Variants in ZNF224 observed in about 807,000 individuals in gnomAD.
ZNF224 encodes bone marrow zinc finger 2.
In ZNF224, 8 loss-of-function variants were observed where a neutral mutation model predicts 10.5. That is an observed-to-expected ratio of 0.76 (90% CI 0.45 to 1.37). The LOEUF is 1.37. Ranked by LOEUF, ZNF224 falls within the 40% of genes most tolerant of loss-of-function variation. ZNF224 has a pLI of 0.00. For synonymous variants in ZNF224, 282 were observed against 287.8 expected (o/e 0.98, Z 0.20); for missense variants, 754 against 854.0 (o/e 0.88, Z 1.46).
intron 3 of ZNF224, 112 bp downstream of exon 3, chr19:44,098,000 C>T: frequency 8.6e-7 from 1 of 1,167,002 alleles, no homozygotes; most frequent in East Asian, 2.5e-5. Context: ...ATTTGAGGAT[C>T]TCTTGTGTAC....
At chr19:44,104,952 G>A (rs982339124) in intron 5 of ZNF224, among the ~76,000 whole-genome samples, 4 of 152,168 alleles carry the variant, frequency 2.6e-5, no homozygotes, top group Non-Finnish European at 2.9e-5. Context: ...GTGAGCCACC[G>A]CGCCCAGCCG....
At chr19:44,102,034 A>G (rs1967558394) in intron 5 of ZNF224, among the ~76,000 whole-genome samples, 2 of 152,198 alleles carry the variant, frequency 1.3e-5, no homozygotes, top group Admixed American at 6.5e-5. Context: ...CCTTAATTGC[A>G]TCTACAACCT....
At position 44,097,899 on chromosome 19, in the gene ZNF224, C is replaced by T. The variant is rs747949192; in HGVS notation, c.15+11C>T. The T allele has an allele frequency of 6.2e-7, 1 of 1,613,940 alleles. No homozygotes were observed. The highest frequency in any genetic ancestry group is 8.5e-7 in the Non-Finnish European group (1 of 1,179,930). ...ATGACCACGTTCAAGGTGGGTAGGACTTGCTTCTATTACTCTTAAAATTCC... is the reference window on the plus strand; with the variant it reads ...ATGACCACGTTCAAGGTGGGTAGGATTTGCTTCTATTACTCTTAAAATTCC... On this transcript the variant is annotated intron_variant, in intron 3 of 5. Transcript: ENST00000693561.
intron 5 of ZNF224, 118 bp downstream of exon 5, chr19:44,101,343 A>G (rs1378726407): frequency 1.0e-6 from 1 of 994,988 alleles, no homozygotes; most frequent in Non-Finnish European, 1.5e-6. Flanking sequence ...ATTATTGACA[A>G]CCATCTTACA....
chr19:44,097,275 G>A (rs1363222175), intron 2 of ZNF224, among the ~76,000 whole-genome samples: 1 of 152,050 alleles, frequency 6.6e-6, no homozygotes. Flanking sequence ...CCAACCTATT[G>A]TATCATATAA....
chr19:44,099,105 C>T (rs1049112553), intron 3 of ZNF224, among the ~76,000 whole-genome samples: 10 of 152,188 alleles, frequency 6.6e-5, no homozygotes, highest in African/African-American at 2.4e-4. Flanking sequence ...AGAGAGAATT[C>T]TCCATTGAGG....
At chr19:44,099,869 T>C (rs1368390930) in intron 3 of ZNF224, among the ~76,000 whole-genome samples, 1 of 152,150 alleles carries the variant, frequency 6.6e-6, no homozygotes, top group African/African-American at 2.4e-5. Flanking sequence ...ATATTAAATT[T>C]CTGACATTTT....
chr19:44,106,047 C>CA (rs909840656), intron 5 of ZNF224: 1 of 214,142 alleles, frequency 4.7e-6, no homozygotes, highest in Non-Finnish European at 9.4e-6. Context: ...ATTGCTGGAT[C>CA]AAATGGTAGA....
chr19:44,106,192 T>C (rs1967654346), intron 5 of ZNF224: 2 of 597,430 alleles, frequency 3.3e-6, no homozygotes, highest in South Asian at 4.3e-5. Flanking sequence ...TTTCGTCTTT[T>C]ATTTCTATCA....
intron 5 of ZNF224, chr19:44,106,089 C>A: frequency 3.3e-6 from 1 of 304,314 alleles, no homozygotes; most frequent in Non-Finnish European, 6.1e-6. Flanking sequence ...AATCTCCATA[C>A]TGTATTTCAT....
intron 1 of ZNF224, chr19:44,095,766 T>G (rs1203608973): frequency 6.6e-6 from 1 of 151,596 alleles, no homozygotes; most frequent in Non-Finnish European, 1.5e-5. Context: ...TAAAAAATAA[T>G]TACAAAAATT....
chr19:44,097,280 A>G (rs190511808), intron 2 of ZNF224, among the ~76,000 whole-genome samples: 17 of 152,300 alleles, frequency 1.1e-4, no homozygotes, highest in Admixed American at 1.1e-3. Context: ...CTATTGTATC[A>G]TATAACTTAC....
intron 1 of ZNF224, chr19:44,096,079 T>C (rs1295195972): frequency 3.3e-5 from 5 of 152,132 alleles, no homozygotes; most frequent in Admixed American, 3.3e-4. Context: ...TCTTAATATT[T>C]CCCCCTTATG....
chr19:44,095,930 A>AT (rs1477355581), intron 1 of ZNF224: 1 of 151,832 alleles, frequency 6.6e-6, no homozygotes, highest in Admixed American at 6.6e-5. Context: ...CTCAAAAAAA[A>AT]AAAAAAAAGA....
At chr19:44,097,538 T>C (rs1226606478) in intron 2 of ZNF224, among the ~76,000 whole-genome samples, 1 of 152,248 alleles carries the variant, frequency 6.6e-6, no homozygotes, top group Non-Finnish European at 1.5e-5. Context: ...CATTTAGCAA[T>C]AATGTTTCAA....
intron 3 of ZNF224, among the ~76,000 whole-genome samples, chr19:44,098,682 C>G (rs1351372973): frequency 2.0e-5 from 3 of 151,880 alleles, no homozygotes; most frequent in Non-Finnish European, 4.4e-5. Flanking sequence ...CTCCCAGGTT[C>G]GAGGGATTCT....
At chr19:44,097,699 T>C (rs1599660091) in intron 2 of ZNF224, 107 bp from the exon 3 acceptor site, 1 of 631,750 alleles carries the variant, frequency 1.6e-6, no homozygotes, top group Non-Finnish European at 2.8e-6. Context: ...TGATTAATGC[T>C]GCTGTGAACA....
At position 44,107,775 on chromosome 19, in the gene ZNF224, C is replaced by G. The variant is rs778648478; in HGVS notation, c.1615C>G (p.Pro539Ala). The G allele has an allele frequency of 6.2e-7, 1 of 1,600,956 alleles. No individual in the cohort carries two copies. The highest frequency in any genetic ancestry group is 1.4e-5 in the African/African-American group (1 of 73,848). ...MHQKVHTGER[P>A]YNCKECGKSF... ...CCAGAAGGTCCACACAGGAGAGAGA[C>G]CATACAATTGTAAGGAATGTGGGAA... is the stretch of plus-strand genomic sequence containing the variant. Residue 539 changes from proline to alanine, a missense_variant, in exon 6 of 6, where the codon CCA becomes GCA. Coordinates refer to ENST00000693561, the MANE Select transcript of ZNF224 (RefSeq NM_001321645.3).
At chr19:44,105,631 T>C (rs1266529832) in intron 5 of ZNF224, 2 of 152,248 alleles carry the variant, frequency 1.3e-5, no homozygotes, top group Non-Finnish European at 2.9e-5. Flanking sequence ...GTAGTGTACA[T>C]TGTACCCAAC....
Sources: gnomAD v4.1 joint callset for allele counts (sites outside exome capture counted in the v4.1 genomes callset) on GRCh38, gnomAD v4.1.1 for gene constraint, MANE v1.5 for transcripts, NCBI Gene and HGNC (gene_info 2026-07-23, HGNC 2026-07-21) for gene names.